The following MYH16 variants were observed in gnomAD, a reference collection of about 807,000 sequenced individuals.
MYH16 encodes myosin heavy chain 16.
chr7:99,239,602 G>A (rs1464817124), intron 1 of MYH16, among the ~76,000 whole-genome samples: 1 of 152,188 alleles, frequency 6.6e-6, no homozygotes. Flanking sequence ...GCTAATGATG[G>A]CTTGCAGGGA....
chr7:99,275,993 G>T (rs899025130), intron 20 of MYH16, among the ~76,000 whole-genome samples: 5 of 152,058 alleles, frequency 3.3e-5, no homozygotes. Flanking sequence ...CTCCCAAAGT[G>T]CTGGGATTAC....
At chr7:99,257,331 C>T (rs1371236548) in exon 10 of MYH16, 2 of 166,286 alleles carry the variant, frequency 1.2e-5, no homozygotes, top group Admixed American at 1.1e-4. Flanking sequence ...GCTTCAGCGC[C>T]GAGGAGAAGA....
intron 1 of MYH16, chr7:99,239,074 G>A (rs577895471): frequency 7.2e-5 from 11 of 152,812 alleles, no homozygotes; most frequent in African/African-American, 2.4e-4. Context: ...GAAACCAAGT[G>A]GCAGGCACCC....
exon 32 of MYH16, chr7:99,292,330 G>T (rs1456920362): frequency 2.2e-6 from 1 of 456,588 alleles, no homozygotes; most frequent in Non-Finnish European, 4.4e-6. Flanking sequence ...CACCGCCGTG[G>T]TGAGTCTGGC....
At chr7:99,289,325 C>G (rs1792335879) in exon 30 of MYH16, 1 of 442,882 alleles carries the variant, frequency 2.3e-6, no homozygotes. Context: ...TGGAAGACAG[C>G]TTATCAGAAG....
At chr7:99,280,707 G>T (rs1251544353) in intron 22 of MYH16, among the ~76,000 whole-genome samples, 169 bp from the exon 5 acceptor site, 1 of 151,980 alleles carries the variant, frequency 6.6e-6, no homozygotes, top group Admixed American at 6.5e-5. Context: ...ACTTTGAGAA[G>T]CCAAGGTTCT....
intron 21 of MYH16, 133 bp downstream of exon 3, chr7:99,277,845 T>C: frequency 2.8e-6 from 1 of 358,788 alleles, no homozygotes; most frequent in Non-Finnish European, 5.5e-6. Context: ...AAAGTCACCC[T>C]CGACCCAACT....
At position 99,269,989 on chromosome 7, in the gene MYH16, T is replaced by C. The variant is rs1584346417; in HGVS notation, n.2267-968T>C. The stretch of plus-strand genomic sequence containing the variant: ...CCCGGGTTTAAGCGATTCTCCTGCC[T>C]CAGCCTCCCGAGTAACTGGGATTAC... On this transcript the variant is annotated intron_variant and non_coding_transcript_variant, in intron 18 of 41. Coordinates refer to ENST00000439784, the Ensembl canonical transcript of MYH16. Among the ~76,000 whole-genome samples the C allele has an allele frequency of 2.0e-5, 3 of 149,442 alleles. No homozygotes were observed. In the South Asian group the frequency reaches 6.5e-4, roughly 33 times the overall value.
At chr7:99,245,391 G>T (rs1791715829) in intron 2 of MYH16, among the ~76,000 whole-genome samples, 1 of 152,176 alleles carries the variant, frequency 6.6e-6, no homozygotes, top group African/African-American at 2.4e-5. Flanking sequence ...CCAAGTACTT[G>T]GTGGATGCTT....
exon 35 of MYH16, chr7:99,297,736 A>G: frequency 4.4e-6 from 2 of 456,622 alleles, no homozygotes; most frequent in Non-Finnish European, 8.8e-6. Context: ...TGAAGAAAAA[A>G]TTGGAGATGG....
chr7:99,283,698 C>A, intron 24 of MYH16, 47 bp downstream of exon 6: 1 of 456,008 alleles, frequency 2.2e-6, no homozygotes, highest in Non-Finnish European at 4.4e-6. Context: ...AGGCCAGATC[C>A]CTCTGGGGGC....
intron 34 of MYH16, among the ~76,000 whole-genome samples, chr7:99,297,396 G>A (rs1792516747): frequency 6.6e-6 from 1 of 152,084 alleles, no homozygotes; most frequent in South Asian, 2.1e-4. Context: ...TCATGCCACT[G>A]TACTCCAGCC....
downstream of MYH16, among the ~76,000 whole-genome samples, chr7:99,309,740 T>C (rs533689126): frequency 1.3e-5 from 2 of 152,370 alleles, no homozygotes; most frequent in South Asian, 2.1e-4. Context: ...CCTGGTACAA[T>C]TGCTCTGTCA....
At chr7:99,280,268 TTAAG>T (rs1031486599) in intron 22 of MYH16, among the ~76,000 whole-genome samples, 1 of 152,246 alleles carries the variant, frequency 6.6e-6, no homozygotes, top group Non-Finnish European at 1.5e-5. Context: ...GCCATGTGCG[TTAAG>T]TGTCACTGCA....
intron 38 of MYH16, among the ~76,000 whole-genome samples, chr7:99,302,311 A>AAAT (rs1298937302): frequency 0.012 from 1,363 of 109,552 alleles, 113 homozygotes; most frequent in African/African-American, 0.057. Context: ...AAAAAAAAAA[A>AAAT]ATATATACAC....
chr7:99,247,872 A>C (rs1359667163), intron 3 of MYH16: 1 of 152,162 alleles, frequency 6.6e-6, no homozygotes, highest in African/African-American at 2.4e-5. Context: ...CTGCACTACC[A>C]GTTGAAGTTC....
At chr7:99,275,198 A>G (rs1792095876) in intron 20 of MYH16, among the ~76,000 whole-genome samples, 1 of 151,866 alleles carries the variant, frequency 6.6e-6, no homozygotes, top group South Asian at 2.1e-4. Context: ...GGGTCTTGCT[A>G]TGTTGCCCAG....
chr7:99,279,684 C>T (rs1045920380), exon 22 of MYH16: 5 of 456,480 alleles, frequency 1.1e-5, no homozygotes, highest in East Asian at 7.0e-5. Context: ...CGACCTGAAG[C>T]GGGACCTAGA....
intron 14 of MYH16, among the ~76,000 whole-genome samples, chr7:99,263,636 T>C (rs1288237862): frequency 6.6e-6 from 1 of 152,106 alleles, no homozygotes; most frequent in Non-Finnish European, 1.5e-5. Flanking sequence ...AGGCCATGGA[T>C]GATACTGCAA....
Sources: gnomAD v4.1 joint callset for allele counts (sites outside exome capture counted in the v4.1 genomes callset) on GRCh38, gnomAD v4.1.1 for gene constraint, MANE v1.5 for transcripts, NCBI Gene and HGNC (gene_info 2026-07-23, HGNC 2026-07-21) for gene names.